The following SMARCC1 variants were observed in gnomAD, a reference collection of about 807,000 sequenced individuals.
SMARCC1 encodes the protein SWI/SNF related BAF chromatin remodeling complex subunit C1, also known as SWI/SNF complex subunit SMARCC1.
In SMARCC1, 43 loss-of-function variants were observed where a neutral mutation model predicts 147.4. The ratio of observed to expected loss-of-function variants is 0.29; its 90% CI spans 0.23 to 0.38. The LOEUF is 0.38. Among genes scored for constraint, SMARCC1 ranks in the 10% least tolerant of loss-of-function variants. SMARCC1 has a pLI of 1.00. For missense variants in SMARCC1, 1,119 were observed against 1,381.1 expected, an observed-to-expected ratio of 0.81 and a Z score of 3.01; for synonymous variants, 495 against 484.4, an observed-to-expected ratio of 1.02 and a Z score of -0.29.
chr3:47,736,202 C>T, intron 4 of SMARCC1, 76 bp from the exon 5 acceptor site: 2 of 774,764 alleles, frequency 2.6e-6, no homozygotes, highest in Non-Finnish European at 4.2e-6. Flanking sequence ...AATATACAAA[C>T]CACCCCCAGA....
At chr3:47,718,548 G>A (rs2034189755) in intron 7 of SMARCC1, among the ~76,000 whole-genome samples, 2 of 152,002 alleles carry the variant, frequency 1.3e-5, no homozygotes, top group Non-Finnish European at 1.5e-5. Context: ...GTAGATAGAA[G>A]AAGAGGTTAA....
chr3:47,731,299 C>G (rs1333536202), intron 5 of SMARCC1, among the ~76,000 whole-genome samples: 1 of 152,192 alleles, frequency 6.6e-6, no homozygotes, highest in African/African-American at 2.4e-5. Context: ...AATTCAGTCA[C>G]ATGTTCCAGC....
chr3:47,692,093 C>T (rs1288413772), intron 12 of SMARCC1, among the ~76,000 whole-genome samples: 1 of 152,134 alleles, frequency 6.6e-6, no homozygotes, highest in Non-Finnish European at 1.5e-5. Context: ...TCTTGAAAAT[C>T]CCTTTCAGGT....
chr3:47,595,713 G>C (rs1047690124), intron 26 of SMARCC1, among the ~76,000 whole-genome samples: 1 of 151,002 alleles, frequency 6.6e-6, no homozygotes, highest in African/African-American at 2.4e-5. Context: ...GTATTACACC[G>C]AGGCTTATAA....
At chr3:47,631,941 A>G (rs2106697431) in intron 24 of SMARCC1, among the ~76,000 whole-genome samples, 1 of 152,298 alleles carries the variant, frequency 6.6e-6, no homozygotes, top group Non-Finnish European at 1.5e-5. Flanking sequence ...TGAAGGGTTC[A>G]CATGTGCCAA....
intron 1 of SMARCC1, among the ~76,000 whole-genome samples, chr3:47,775,461 C>T (rs1373394339): frequency 1.3e-5 from 2 of 148,412 alleles, no homozygotes; most frequent in Non-Finnish European, 3.0e-5. Flanking sequence ...CGCCCAGCCC[C>T]GTAAATTTTT....
chr3:47,781,352 C>A (rs2035044926), intron 1 of SMARCC1, among the ~76,000 whole-genome samples: 1 of 152,240 alleles, frequency 6.6e-6, no homozygotes, highest in Non-Finnish European at 1.5e-5. Context: ...TCGACCTGCT[C>A]TGGCACACGA....
At chr3:47,702,274 G>A (rs1197892415) in intron 10 of SMARCC1, among the ~76,000 whole-genome samples, 3 of 149,018 alleles carry the variant, frequency 2.0e-5, no homozygotes, top group African/African-American at 7.4e-5. Flanking sequence ...TACCTTTAGG[G>A]ATTACAAGGG....
At chr3:47,707,526 T>C (rs2034008829) in intron 9 of SMARCC1, among the ~76,000 whole-genome samples, 1 of 151,746 alleles carries the variant, frequency 6.6e-6, no homozygotes, top group African/African-American at 2.4e-5. Flanking sequence ...ACCTAAATTA[T>C]CAGTACTAGA....
At chr3:47,765,615 G>A (rs555963429) in intron 2 of SMARCC1, among the ~76,000 whole-genome samples, 6 of 152,082 alleles carry the variant, frequency 3.9e-5, no homozygotes, top group Admixed American at 2.0e-4. Context: ...CAACACTTAC[G>A]GTCTCCTTCC....
In SMARCC1 at chr3:47,588,302, G is replaced by A; in HGVS notation, c.3225C>T (p.Pro1075=). 5 of 1,613,618 alleles carry A rather than the reference G, an allele frequency of 3.1e-6. No individual in the cohort carries two copies. The highest frequency in any genetic ancestry group is 2.7e-5 in the African/African-American group (2 of 75,002). Reference sequence around the variant, plus strand: ...GCGGTGGCTGCTGCTGTGGTGGAGGGGGATCTGCAAACATATCCAAGAGTA... The same window carrying A: ...GCGGTGGCTGCTGCTGTGGTGGAGGAGGATCTGCAAACATATCCAAGAGTA... ...VPLTAPNGMY[P]PPPQQQPPPP... The change falls in exon 28 of 28, where the codon CCC becomes CCT. Residue 1075 remains proline (P), a synonymous_variant. Coordinates refer to ENST00000254480, the MANE Select transcript of SMARCC1 (RefSeq NM_003074.4).
intron 11 of SMARCC1, among the ~76,000 whole-genome samples, chr3:47,695,895 C>T (rs78244509): frequency 1 from 115,386 of 115,562 alleles, 57,605 homozygotes; most frequent in Non-Finnish European, 1. Flanking sequence ...GAAACCCCGT[C>T]TCTACTAAAA....
intron 6 of SMARCC1, among the ~76,000 whole-genome samples, chr3:47,726,450 C>A (rs2034301490): frequency 6.6e-6 from 1 of 152,078 alleles, no homozygotes. Context: ...ATGCTTTATT[C>A]TATTAATCAG....
chr3:47,728,436 G>A (rs76060013), intron 6 of SMARCC1, among the ~76,000 whole-genome samples: 16,185 of 152,018 alleles, frequency 0.11, 1,172 homozygotes, highest in Non-Finnish European at 0.16. Context: ...TCACTAATGT[G>A]TACTTTCTAC....
chr3:47,738,287 AAG>A (rs2034469453), intron 3 of SMARCC1, among the ~76,000 whole-genome samples, 177 bp from the exon 4 acceptor site: 1 of 152,184 alleles, frequency 6.6e-6, no homozygotes, highest in Non-Finnish European at 1.5e-5. Flanking sequence ...ACCCTTATAA[AAG>A]AGATATTAAG....
At chr3:47,739,564 G>A (rs2034484145) in intron 3 of SMARCC1, among the ~76,000 whole-genome samples, 1 of 152,066 alleles carries the variant, frequency 6.6e-6, no homozygotes, top group Non-Finnish European at 1.5e-5. Context: ...AAATTCCTGA[G>A]CTCAAACAAT....
At chr3:47,616,600 C>T (rs1267910545) in intron 25 of SMARCC1, among the ~76,000 whole-genome samples, 1 of 152,096 alleles carries the variant, frequency 6.6e-6, no homozygotes, top group Middle Eastern at 3.2e-3. Flanking sequence ...CGCCCACCAT[C>T]ACGCCCAGCT....
At chr3:47,714,199 AC>A (rs1336502001) in intron 8 of SMARCC1, among the ~76,000 whole-genome samples, 1 of 152,178 alleles carries the variant, frequency 6.6e-6, no homozygotes, top group Non-Finnish European at 1.5e-5. Context: ...CTCCGTCTCT[AC>A]TAAAAATACA....
chr3:47,599,557 G>A (rs1418451125), intron 26 of SMARCC1, among the ~76,000 whole-genome samples: 2 of 152,202 alleles, frequency 1.3e-5, no homozygotes, highest in Non-Finnish European at 2.9e-5. Context: ...TAAGTAGCTT[G>A]CCCAATGTCA....
Sources: allele counts gnomAD v4.1 joint callset (sites outside exome capture counted in the v4.1 genomes callset), GRCh38; gene constraint gnomAD v4.1.1; transcripts MANE v1.5; gene names NCBI Gene and HGNC (gene_info 2026-07-23, HGNC 2026-07-21).